Variants in LRP1B observed in about 807,000 individuals in gnomAD.
The protein encoded by LRP1B is LDL receptor related protein 1B, also known as low-density lipoprotein receptor-related protein 1B.
Under a neutral mutation model 556.6 loss-of-function variants are expected in LRP1B, and 217 were observed. The observed-to-expected ratio is 0.39, with a 90% CI of 0.35 to 0.44. The LOEUF (loss-of-function observed/expected upper bound fraction) is 0.44. Among genes scored for constraint, LRP1B ranks in the 20% least tolerant of loss-of-function variants. The pLI is 1.00. For synonymous variants in LRP1B, 2,047 were observed against 1,865.8 expected, an observed-to-expected ratio of 1.10 and a Z score of -2.50; for missense variants, 5,053 against 5,620.8, an observed-to-expected ratio of 0.90 and a Z score of 3.23.
chr2:142,054,924 C>A (rs1346801070), intron 1 of LRP1B, among the ~76,000 whole-genome samples: 1 of 152,068 alleles, frequency 6.6e-6, no homozygotes. Context: ...TTTTAAGAAA[C>A]ACTATGTTTC....
intron 3 of LRP1B, among the ~76,000 whole-genome samples, chr2:141,402,616 T>C (rs1690487701): frequency 6.6e-6 from 1 of 152,130 alleles, no homozygotes; most frequent in Non-Finnish European, 1.5e-5. Context: ...TCTTCATGTA[T>C]ACTTTTATTA....
intron 41 of LRP1B, among the ~76,000 whole-genome samples, chr2:140,666,331 C>CA (rs1553509623): frequency 2.2e-5 from 3 of 138,688 alleles, no homozygotes; most frequent in African/African-American, 8.1e-5. Context: ...CACACACACA[C>CA]CACACAAATA....
chr2:142,056,823 T>C (rs1704691217), intron 1 of LRP1B, among the ~76,000 whole-genome samples: 1 of 152,202 alleles, frequency 6.6e-6, no homozygotes, highest in East Asian at 1.9e-4. Context: ...CCTTCCTCCT[T>C]CTCCCATATC....
chr2:140,327,904 G>T (rs958658227), intron 79 of LRP1B, among the ~76,000 whole-genome samples: 11 of 151,928 alleles, frequency 7.2e-5, no homozygotes, highest in Non-Finnish European at 1.3e-4. Context: ...AAAGTTTATG[G>T]ATGAATGGAA....
chr2:140,929,023 C>A (rs574816238), intron 20 of LRP1B, among the ~76,000 whole-genome samples: 1 of 152,010 alleles, frequency 6.6e-6, no homozygotes, highest in Non-Finnish European at 1.5e-5. Context: ...GATTTTGAAG[C>A]AGAGAAGTGA....
intron 3 of LRP1B, among the ~76,000 whole-genome samples, chr2:141,329,386 C>A (rs1383680356): frequency 4.3e-4 from 48 of 111,658 alleles, no homozygotes; most frequent in African/African-American, 6.3e-4. Context: ...AAAACTCCGT[C>A]AAAAAAAAAA....
At chr2:141,256,491 G>T (rs1403780202) in intron 3 of LRP1B, among the ~76,000 whole-genome samples, 1 of 151,966 alleles carries the variant, frequency 6.6e-6, no homozygotes, top group African/African-American at 2.4e-5. Context: ...GGTTATTGAG[G>T]ACAGTAGTGA....
chr2:140,527,418 A>G (rs1052082880), intron 47 of LRP1B, among the ~76,000 whole-genome samples: 2 of 152,124 alleles, frequency 1.3e-5, no homozygotes, highest in African/African-American at 4.8e-5. Context: ...TCAATCACAA[A>G]TGGTTAAAAT....
At chr2:141,869,563 G>T (rs1179088299) in intron 1 of LRP1B, among the ~76,000 whole-genome samples, 2 of 152,010 alleles carry the variant, frequency 1.3e-5, no homozygotes, top group East Asian at 1.9e-4. Flanking sequence ...ACCATAAAAA[G>T]GTAGTTTAAC....
At chr2:141,527,655 T>C (rs6729105) in intron 2 of LRP1B, among the ~76,000 whole-genome samples, 3,744 of 152,186 alleles carry the variant, frequency 0.025, 144 homozygotes, top group African/African-American at 0.086. Flanking sequence ...GAATGAATGG[T>C]GTGTTTTTAC....
At chr2:141,332,351 T>C (rs562548738) in intron 3 of LRP1B, among the ~76,000 whole-genome samples, 28 of 152,198 alleles carry the variant, frequency 1.8e-4, no homozygotes, top group African/African-American at 5.8e-4. Context: ...TTCTCTTCTC[T>C]TGGCTGTATT....
intron 1 of LRP1B, among the ~76,000 whole-genome samples, chr2:141,935,478 T>C (rs1700611627): frequency 6.6e-6 from 1 of 152,134 alleles, no homozygotes; most frequent in African/African-American, 2.4e-5. Flanking sequence ...TTACAGAAAT[T>C]GACAGTACAA....
At position 140,540,975 on chromosome 2, in the gene LRP1B, A is replaced by G. The variant is rs1680110993; in HGVS notation, c.7511T>C (p.Val2504Ala). Residue 2504 changes from valine to alanine, a missense_variant and splice_region_variant, in exon 45 of 91, where the codon GTG becomes GCG. This residue lies in a region of LRP1B where 3,619 missense variants were observed against 3,931.9 expected (regional missense o/e 0.92). Coordinates refer to ENST00000389484, the MANE Select transcript of LRP1B (RefSeq NM_018557.3). ...DRILLEDNRCVTKNSSCNAYS... is the reference protein window; with the variant it reads ...DRILLEDNRCATKNSSCNAYS... Reference sequence around the variant, plus strand: ...ACATTTCAATTCCCTTTACTTACTCACACATCTGTTGTCCTCTAGCAATAT... The same window carrying G: ...ACATTTCAATTCCCTTTACTTACTCGCACATCTGTTGTCCTCTAGCAATAT... 6.2e-7 allele frequency: 1 copy of G among 1,606,894 alleles called. No homozygotes were observed. Among genetic ancestry groups the G allele is most frequent in the South Asian group, 1.1e-5 (1 of 89,984 alleles).
chr2:140,722,810 G>A (rs1306288175), intron 35 of LRP1B, among the ~76,000 whole-genome samples: 5 of 152,290 alleles, frequency 3.3e-5, no homozygotes, highest in South Asian at 2.1e-4. Flanking sequence ...TTGGGAGGCC[G>A]AGGCAGGAGG....
chr2:141,979,780 C>T (rs1459481854), intron 1 of LRP1B, among the ~76,000 whole-genome samples: 1 of 152,086 alleles, frequency 6.6e-6, no homozygotes, highest in East Asian at 1.9e-4. Context: ...ATAGTTCAGA[C>T]ACTGCCTCAG....
intron 62 of LRP1B, among the ~76,000 whole-genome samples, chr2:140,451,498 G>C (rs1686884646): frequency 1.3e-5 from 2 of 152,140 alleles, no homozygotes. Context: ...CTTAGTCTGT[G>C]TTCTTTAGCC....
chr2:141,890,651 G>A (rs1179074966), intron 1 of LRP1B, among the ~76,000 whole-genome samples: 3 of 151,842 alleles, frequency 2.0e-5, no homozygotes, highest in East Asian at 1.9e-4. Flanking sequence ...TATTTATGTG[G>A]TCCCGACTAT....
Position 140,854,074 on chromosome 2 carries a change from A to G in LRP1B, c.4580-2291T>C, listed in dbSNP as rs577821196. Among the ~76,000 whole-genome samples the G allele has an allele frequency of 4.6e-4, 69 of 151,504 alleles. 1 individual carries two copies. Among genetic ancestry groups the G allele is most frequent in the Non-Finnish European group, 5.9e-4 (40 of 67,838 alleles). On this transcript the variant is annotated intron_variant, in intron 27 of 90. Coordinates refer to ENST00000389484, the MANE Select transcript of LRP1B (RefSeq NM_018557.3). ...CCATATCTGAATAAAAAAAAAAAAA[A>G]AAGAAGAAAATGAAGGAGAAAAGAA...
At chr2:141,684,348 C>T (rs759832025) in intron 2 of LRP1B, among the ~76,000 whole-genome samples, 51 of 152,018 alleles carry the variant, frequency 3.4e-4, no homozygotes, top group Non-Finnish European at 6.5e-4. Context: ...CAAACTAACA[C>T]AGGAACAGAA....
Sources: allele counts gnomAD v4.1 joint callset (sites outside exome capture counted in the v4.1 genomes callset), GRCh38; gene constraint gnomAD v4.1.1; regional missense constraint gnomAD v4.1.1; transcripts MANE v1.5; gene names NCBI Gene and HGNC (gene_info 2026-07-23, HGNC 2026-07-21).